ADAM12: variants seen among roughly 807,000 people sequenced by gnomAD.
The protein encoded by ADAM12 is disintegrin and metalloproteinase domain-containing protein 12.
ADAM12 carries 70 observed loss-of-function variants against 106.4 expected under a neutral mutation model. That is an observed-to-expected ratio of 0.66 (90% CI 0.54 to 0.80). The LOEUF (loss-of-function observed/expected upper bound fraction) is 0.80. ADAM12 is among the 30% of genes least tolerant of loss of function. The probability of loss-of-function intolerance (pLI) is 0.00; values close to 1 mark genes in which losing one functional copy is unlikely to be tolerated. For missense variants in ADAM12, 1,010 were observed against 1,171.9 expected (o/e 0.86, Z 2.02); for synonymous variants, 420 against 433.5 (o/e 0.97, Z 0.39).
chr10:126,135,716 A>T, intron 4 of ADAM12, 56 bp from the exon 5 acceptor site: 1 of 1,458,218 alleles, frequency 6.9e-7, no homozygotes, highest in Non-Finnish European at 9.6e-7. Flanking sequence ...TTGCCCACTT[A>T]TAATAAATCA....
chr10:126,086,145 T>C (rs992958820), intron 11 of ADAM12, among the ~76,000 whole-genome samples: 21 of 152,134 alleles, frequency 1.4e-4, no homozygotes, highest in African/African-American at 4.8e-4. Flanking sequence ...TGAAGGAGGT[T>C]TGCAGAATTA....
chr10:126,063,938 T>A (rs1164279105), intron 14 of ADAM12, among the ~76,000 whole-genome samples: 1 of 152,154 alleles, frequency 6.6e-6, no homozygotes, highest in Non-Finnish European at 1.5e-5. Context: ...TGGTGGAGCT[T>A]TAGAGCAACA....
At chr10:126,374,415 AAT>A (rs1230027426) in intron 1 of ADAM12, among the ~76,000 whole-genome samples, 1 of 152,242 alleles carries the variant, frequency 6.6e-6, no homozygotes, top group Admixed American at 6.5e-5. Context: ...AATGGATAAC[AAT>A]ATATAAATCC....
At chr10:126,256,874 C>T (rs1958901627) in intron 3 of ADAM12, among the ~76,000 whole-genome samples, 1 of 151,558 alleles carries the variant, frequency 6.6e-6, no homozygotes. Context: ...CATATATATT[C>T]CTAAGAAATA....
intron 22 of ADAM12, among the ~76,000 whole-genome samples, chr10:126,018,340 C>T (rs1953697652): frequency 6.6e-6 from 1 of 152,132 alleles, no homozygotes; most frequent in Admixed American, 6.5e-5. Flanking sequence ...TTGAACAGCC[C>T]ATGGGGTTGG....
intron 1 of ADAM12, among the ~76,000 whole-genome samples, chr10:126,346,208 T>G (rs1284254377): frequency 6.6e-6 from 1 of 152,226 alleles, no homozygotes; most frequent in African/African-American, 2.4e-5. Context: ...TCCCAGAGAT[T>G]CTGGTATGTT....
In ADAM12 at chr10:126,169,047, C is replaced by T. The variant is rs1402825913; in HGVS notation, c.261-13742G>A. Among the ~76,000 whole-genome samples, 4 of 152,116 alleles carry T rather than the reference C, an allele frequency of 2.6e-5. No homozygotes were observed. The East Asian group carries it at 5.8e-4, about 22-fold the overall frequency. Reference sequence around the variant, plus strand: ...CAGCCTGGGCCACAGAGTGGGACTCCGTCTCGAAAAAAAACCCAAAAAGCA... The same window carrying T: ...CAGCCTGGGCCACAGAGTGGGACTCTGTCTCGAAAAAAAACCCAAAAAGCA... On this transcript the variant is annotated intron_variant, in intron 3 of 22. Transcript: ENST00000448723.
At chr10:126,387,969 G>C (rs1590855123) in intron 1 of ADAM12, 89 bp downstream of exon 1, 1 of 1,173,440 alleles carries the variant, frequency 8.5e-7, no homozygotes, top group East Asian at 3.9e-5. Context: ...GTCGCCCCTC[G>C]GGGCAGCCCT....
In ADAM12 at chr10:126,019,575, T is replaced by C. The variant is rs148227653; in HGVS notation, c.2660+120A>G. 10,584 of 1,303,588 alleles carry C rather than the reference T, an allele frequency of 8.1e-3. 76 individuals are homozygous for C. Among genetic ancestry groups the C allele is most frequent in the Non-Finnish European group, 9.0e-3 (8,627 of 958,846 alleles). 80.8% of individuals were successfully genotyped at this position (1,303,588 alleles called of 1,614,324 possible). A position where few individuals can be genotyped will look rare whatever the true frequency, so the allele number is the denominator to read the frequency against. On this transcript the variant is annotated intron_variant, in intron 22 of 22. Transcript: ENST00000448723. ...ATGTCTATTTTACGGTATTCCCAGT[T>C]GTAGGGGGAGCAGGAAGCACGGCCT...
intron 11 of ADAM12, among the ~76,000 whole-genome samples, 169 bp from the exon 12 acceptor site, chr10:126,071,823 C>T (rs912105148): frequency 1.3e-5 from 2 of 152,186 alleles, no homozygotes; most frequent in African/African-American, 4.8e-5. Flanking sequence ...TCAAGTGAGG[C>T]ACATTCAGTT....
At chr10:126,234,903 A>G (rs1419007606) in intron 3 of ADAM12, among the ~76,000 whole-genome samples, 1 of 152,182 alleles carries the variant, frequency 6.6e-6, no homozygotes, top group East Asian at 1.9e-4. Flanking sequence ...ACGTGGAGAG[A>G]CCTACAAATC....
intron 11 of ADAM12, 121 bp downstream of exon 11, chr10:126,093,864 T>G (rs1370324165): frequency 1.4e-6 from 2 of 1,478,030 alleles, no homozygotes; most frequent in Non-Finnish European, 1.8e-6. Context: ...AAGGAATTAC[T>G]TTTTGGAAGC....
In ADAM12 at chr10:126,043,558, CT is replaced by C. The variant is rs1954235482; in HGVS notation, c.1996-411del. On this transcript the variant is annotated intron_variant, in intron 17 of 22. Coordinates refer to ENST00000448723, the MANE Select transcript of ADAM12 (RefSeq NM_001288973.2). This position sits in a 1 kb window ranked among gnomAD's most constrained non-coding sequence, Gnocchi z 4.1. ...CCAGAGCCCTGGGGCACCGCGGGAC[CT>C]GACAGATGCTTGGCGCATCCCTGTC... is the stretch of plus-strand genomic sequence containing the variant. Among the ~76,000 whole-genome samples the C allele has an allele frequency of 6.6e-6, 1 of 152,226 alleles. No homozygotes were observed. The highest frequency in any genetic ancestry group is 6.5e-5 in the Admixed American group (1 of 15,288).
intron 8 of ADAM12, among the ~76,000 whole-genome samples, chr10:126,105,933 AGGATATC>A (rs1955757952): frequency 6.6e-6 from 1 of 152,244 alleles, no homozygotes; most frequent in African/African-American, 2.4e-5. Flanking sequence ...ATATCATCCC[AGGATATC>A]AACGGCCATG....
intron 9 of ADAM12, among the ~76,000 whole-genome samples, chr10:126,098,737 T>C (rs1565054993): frequency 1.3e-5 from 2 of 152,242 alleles, no homozygotes; most frequent in South Asian, 2.1e-4. Flanking sequence ...CAACTAGTTA[T>C]TACTTTTGTA....
intron 1 of ADAM12, among the ~76,000 whole-genome samples, chr10:126,373,516 T>C (rs1038592161): frequency 6.6e-6 from 1 of 152,214 alleles, no homozygotes; most frequent in African/African-American, 2.4e-5. Context: ...TCAACTTATT[T>C]TCTGTACATT....
intron 1 of ADAM12, among the ~76,000 whole-genome samples, chr10:126,361,630 C>A (rs374225770): frequency 6.6e-6 from 1 of 151,986 alleles, no homozygotes; most frequent in African/African-American, 2.4e-5. Context: ...AGAAATGAAC[C>A]CAAACATATA....
chr10:126,050,062 A>G (rs1243284942), intron 14 of ADAM12, among the ~76,000 whole-genome samples: 1 of 152,148 alleles, frequency 6.6e-6, no homozygotes, highest in Non-Finnish European at 1.5e-5. Flanking sequence ...GCTCTCTTTA[A>G]CAACATCCCA....
intron 1 of ADAM12, among the ~76,000 whole-genome samples, chr10:126,366,484 CA>C (rs1339543700): frequency 6.6e-6 from 1 of 151,628 alleles, no homozygotes; most frequent in Non-Finnish European, 1.5e-5. Context: ...TAAAACTACT[CA>C]GTACAAAAGA....
Sources: allele counts gnomAD v4.1 joint callset (sites outside exome capture counted in the v4.1 genomes callset), GRCh38; gene constraint gnomAD v4.1.1; non-coding constraint Gnocchi (gnomAD v3.1); transcripts MANE v1.5; gene names NCBI Gene and HGNC (gene_info 2026-07-23, HGNC 2026-07-21).